FAM163A: variants seen among roughly 807,000 people sequenced by gnomAD.
FAM163A encodes the protein protein FAM163A.
A neutral mutation model predicts 12.0 loss-of-function variants in FAM163A; 7 were observed. That is an observed-to-expected ratio of 0.58 (90% CI 0.33 to 1.10). FAM163A has a LOEUF of 1.10. Ranked by LOEUF, FAM163A falls within the 50% of genes least tolerant of loss-of-function variation. FAM163A has a pLI of 0.03. For synonymous variants in FAM163A, 101 were observed against 91.0 expected, an observed-to-expected ratio of 1.11 and a Z score of -0.62; for missense variants, 202 against 218.6, an observed-to-expected ratio of 0.92 and a Z score of 0.48.
chr1:179,814,060 T>G lies in FAM163A; in HGVS notation c.375T>G (p.Ala125=). 6.2e-7 allele frequency: 1 copy of G among 1,613,972 alleles called. No homozygotes were observed. Among genetic ancestry groups the G allele is most frequent in the South Asian group, 1.1e-5 (1 of 91,044 alleles). Residue 125 remains alanine, a synonymous_variant, in exon 5 of 5, where the codon GCT becomes GCG. Transcript: ENST00000341785. ...GTGGAGGCGAGAGGCTCTCCTTTGC[T>G]CCCACATACTACAAAGAGGGGGGAC... ...NGGGGERLSF[A]PTYYKEGGPP... is the part of the protein sequence containing the mutation.
chr1:179,733,880 T>C, the FAM163A span, among the ~76,000 whole-genome samples: 1 of 152,224 alleles, frequency 6.6e-6, no homozygotes, highest in Non-Finnish European at 1.5e-5. Context: ...CTGTATCCAC[T>C]GTCGTCTTAT....
chr1:179,800,381 G>A (rs1408144731), intron 1 of FAM163A, among the ~76,000 whole-genome samples: 1 of 152,268 alleles, frequency 6.6e-6, no homozygotes, highest in Non-Finnish European at 1.5e-5. Context: ...CAGCACCTCT[G>A]AGACAGCCCT....
intron 1 of FAM163A, among the ~76,000 whole-genome samples, chr1:179,771,436 T>A (rs557001667): frequency 3.8e-4 from 58 of 152,330 alleles, no homozygotes; most frequent in Middle Eastern, 3.4e-3. Context: ...GTTTCCATCC[T>A]ACCCTCTTTT....
At chr1:179,774,400 G>A (rs770635796) in intron 1 of FAM163A, among the ~76,000 whole-genome samples, 1 of 152,262 alleles carries the variant, frequency 6.6e-6, no homozygotes, top group Non-Finnish European at 1.5e-5. Flanking sequence ...TGGGCTCCAA[G>A]GATGAGCTTT....
rs75430811 is a variant in FAM163A at position 179,746,798 on chromosome 1, G to T, written c.-136+3375G>T. Among the ~76,000 whole-genome samples the T allele has an allele frequency of 3.6e-3, 551 of 152,254 alleles. 1 individual carries two copies. The highest frequency in any genetic ancestry group is 6.8e-3 in the Middle Eastern group (2 of 294). ...TTGGTTGCTTGAGAGGTTCCCTTTG[G>T]ATTAAAAGCCAAAGGGCTGTGAGAC... On this transcript the variant is annotated intron_variant, in intron 1 of 4. Transcript: ENST00000341785.
chr1:179,751,294 C>T (rs1025335908), intron 1 of FAM163A, among the ~76,000 whole-genome samples: 1 of 151,632 alleles, frequency 6.6e-6, no homozygotes, highest in Admixed American at 6.6e-5. Flanking sequence ...GAGGGTGGTC[C>T]TGAAAAGGAG....
intron 1 of FAM163A, among the ~76,000 whole-genome samples, chr1:179,760,731 C>G (rs1686696108): frequency 6.6e-6 from 1 of 152,220 alleles, no homozygotes; most frequent in Non-Finnish European, 1.5e-5. Flanking sequence ...AAGTGTGGGG[C>G]CTCCAGCACT....
At chr1:179,784,937 G>A (rs768319937) in intron 1 of FAM163A, among the ~76,000 whole-genome samples, 35 of 152,086 alleles carry the variant, frequency 2.3e-4, no homozygotes, top group African/African-American at 3.4e-4. Flanking sequence ...CTGGCTACCC[G>A]GCAGGTAGTC....
At chr1:179,743,679 C>G (rs889640242) in intron 1 of FAM163A, among the ~76,000 whole-genome samples, 1 of 152,174 alleles carries the variant, frequency 6.6e-6, no homozygotes, top group Non-Finnish European at 1.5e-5. Context: ...AGGGGCCTCT[C>G]GCTCCGAGGG....
chr1:179,756,105 C>A (rs1685983032), intron 1 of FAM163A, among the ~76,000 whole-genome samples: 1 of 152,170 alleles, frequency 6.6e-6, no homozygotes, highest in Non-Finnish European at 1.5e-5. Context: ...CAGCAAAATA[C>A]TAGATGTGAT....
In FAM163A at chr1:179,813,932, C is replaced by G. The variant is rs1302938233; in HGVS notation, c.247C>G (p.Pro83Ala). The G allele has an allele frequency of 6.2e-7, 1 of 1,613,804 alleles. No homozygotes were observed. Among genetic ancestry groups the G allele is most frequent in the Non-Finnish European group, 8.5e-7 (1 of 1,180,022 alleles). Residue 83 changes from proline to alanine, a missense_variant, in exon 5 of 5, where the codon CCC (proline) becomes GCC (alanine). Physicochemically the swap from Pro to Ala is conservative, Grantham distance 27. Transcript: ENST00000341785. The part of the protein sequence containing the change: ...RGSLAPLTSE[P>A]CSQPCGVAAS... ...CAGCCTGGCGCCTCTCACCAGCGAG[C>G]CCTGCAGCCAGCCCTGTGGGGTGGC...
At chr1:179,789,477 C>T (rs538602476) in intron 1 of FAM163A, among the ~76,000 whole-genome samples, 8 of 152,350 alleles carry the variant, frequency 5.3e-5, no homozygotes, top group East Asian at 3.9e-4. Flanking sequence ...CCACCGCCCC[C>T]GGCAGGGATC....
At chr1:179,786,877 C>G (rs1690706440) in intron 1 of FAM163A, among the ~76,000 whole-genome samples, 1 of 152,164 alleles carries the variant, frequency 6.6e-6, no homozygotes, top group African/African-American at 2.4e-5. Context: ...AGCCGAGGCC[C>G]TTTCCCGAGG....
chr1:179,807,083 C>CA (rs1694042148), intron 1 of FAM163A, among the ~76,000 whole-genome samples: 1 of 138,764 alleles, frequency 7.2e-6, no homozygotes, highest in Non-Finnish European at 1.5e-5. Flanking sequence ...GACTGTGTCT[C>CA]AGAAAAAAAA....
rs569383151 is a variant in FAM163A, at chr1:179,813,753, A to G, written c.94-26A>G. On this transcript the variant is annotated intron_variant, in intron 4 of 4. Coordinates refer to ENST00000341785, the MANE Select transcript of FAM163A (RefSeq NM_173509.3). ...GGGCGGGGGGAGCATTCACCCTCTC[A>G]GGCATCCCTCTGCCCTTCCGCACAG... The G allele has an allele frequency of 6.2e-6, 10 of 1,612,898 alleles. No individual in the cohort carries two copies. In the South Asian group the frequency reaches 8.8e-5, roughly 14 times the overall value.
At chr1:179,763,472 A>G (rs919539800) in intron 1 of FAM163A, among the ~76,000 whole-genome samples, 24 of 152,214 alleles carry the variant, frequency 1.6e-4, no homozygotes, top group Admixed American at 6.5e-5. Flanking sequence ...AAATAATTGT[A>G]AAAAACTTGT....
chr1:179,776,154 A>G (rs948699849), intron 1 of FAM163A, among the ~76,000 whole-genome samples: 6 of 152,110 alleles, frequency 3.9e-5, no homozygotes, highest in African/African-American at 1.4e-4. Flanking sequence ...CAGGTGCTGA[A>G]GAGATAAGAG....
upstream of FAM163A, among the ~76,000 whole-genome samples, chr1:179,741,541 C>T (rs1683643124): frequency 6.6e-6 from 1 of 152,138 alleles, no homozygotes; most frequent in Non-Finnish European, 1.5e-5. Context: ...ATCTAAAGTG[C>T]CAGAATGGAC....
At chr1:179,769,496 A>G (rs1238861005) in intron 1 of FAM163A, among the ~76,000 whole-genome samples, 1 of 152,220 alleles carries the variant, frequency 6.6e-6, no homozygotes, top group African/African-American at 2.4e-5. Flanking sequence ...TGGATAGGTC[A>G]CACCTGCCTC....
Sources: gnomAD v4.1 joint callset for allele counts (sites outside exome capture counted in the v4.1 genomes callset) on GRCh38, gnomAD v4.1.1 for gene constraint, MANE v1.5 for transcripts, NCBI Gene and HGNC (gene_info 2026-07-23, HGNC 2026-07-21) for gene names.